NBAS: variants seen among roughly 807,000 people sequenced by gnomAD.
The protein encoded by NBAS is NBAS subunit of NRZ tethering complex.
Under a neutral mutation model 302.5 loss-of-function variants are expected in NBAS, and 219 were observed. The ratio of observed to expected loss-of-function variants is 0.72; its 90% CI spans 0.65 to 0.81. NBAS has a LOEUF of 0.81. Ranked by LOEUF, NBAS falls within the 30% of genes least tolerant of loss-of-function variation. The pLI is 0.00. For synonymous variants in NBAS, 1,118 were observed against 1,021.6 expected (o/e 1.09, Z -1.80); for missense variants, 2,932 against 2,841.6 (o/e 1.03, Z -0.72).
chr2:14,894,821 G>A, the NBAS span, among the ~76,000 whole-genome samples: 1 of 152,164 alleles, frequency 6.6e-6, no homozygotes, highest in Non-Finnish European at 1.5e-5. Flanking sequence ...CACTTTGGGA[G>A]GCTGAGGTGG....
At position 15,275,488 on chromosome 2, in the gene NBAS, G is replaced by A; in HGVS notation, c.5720C>T (p.Thr1907Ile). The A allele has an allele frequency of 6.2e-7, 1 of 1,613,896 alleles. No homozygotes were observed. Among genetic ancestry groups the A allele is most frequent in the Non-Finnish European group, 8.5e-7 (1 of 1,179,960 alleles). Residue 1907 changes from threonine (T) to isoleucine (I), a missense_variant, in exon 44 of 52, where the codon ACC becomes ATC. Physicochemically the swap from Thr to Ile is moderately conservative, Grantham distance 89. Transcript: ENST00000281513. ...DAVTFSPKAV[T>I]KLSVEARKEM... ...TTAAAATATCTTTTTGTTTACCTTG[G>A]TCACAGCTTTTGGAGAAAATGTAAC...
At chr2:15,093,221 G>T in the NBAS span, among the ~76,000 whole-genome samples, 1 of 152,140 alleles carries the variant, frequency 6.6e-6, no homozygotes, top group Non-Finnish European at 1.5e-5. Flanking sequence ...TTTGAGACAA[G>T]CCTGGCCAAC....
At chr2:15,401,331 T>A (rs547079772) in intron 26 of NBAS, among the ~76,000 whole-genome samples, 4 of 147,766 alleles carry the variant, frequency 2.7e-5, no homozygotes, top group African/African-American at 1.0e-4. Context: ...GAGCCCCCCC[T>A]CCCAAAATAA....
chr2:15,171,091 T>G (rs73194923), intron 51 of NBAS, among the ~76,000 whole-genome samples: 3,035 of 152,340 alleles, frequency 0.02, 95 homozygotes, highest in African/African-American at 0.069. Flanking sequence ...AGCTTGGTAC[T>G]CTCTGACCAT....
At chr2:15,327,434 C>G (rs562442883) in intron 38 of NBAS, among the ~76,000 whole-genome samples, 4 of 152,244 alleles carry the variant, frequency 2.6e-5, no homozygotes, top group African/African-American at 9.6e-5. Flanking sequence ...AGCATAAAAT[C>G]AGGAAATAAA....
intron 42 of NBAS, among the ~76,000 whole-genome samples, chr2:15,280,740 G>C (rs556847434): frequency 6.6e-6 from 1 of 152,306 alleles, no homozygotes; most frequent in African/African-American, 2.4e-5. Flanking sequence ...CTAAGAGCAT[G>C]AAGATCTATG....
chr2:14,838,857 T>A, the NBAS span, among the ~76,000 whole-genome samples: 1 of 152,010 alleles, frequency 6.6e-6, no homozygotes, highest in Admixed American at 6.6e-5. Context: ...AAAAAATTCA[T>A]TGAATTTGGC....
At chr2:14,887,398 T>TTAAAAAAAAAAAAAAAA in the NBAS span, among the ~76,000 whole-genome samples, 2 of 95,682 alleles carry the variant, frequency 2.1e-5, no homozygotes, top group African/African-American at 1.4e-4. Flanking sequence ...GTGAGACTCC[T>TTAAAAAAAAAAAAAAAA]CAAAAAAAAA....
At chr2:15,132,377 G>A in the NBAS span, among the ~76,000 whole-genome samples, 1 of 152,168 alleles carries the variant, frequency 6.6e-6, no homozygotes, top group Admixed American at 6.5e-5. Flanking sequence ...AAAAAGCCAT[G>A]GAGAAAGTAA....
intron 48 of NBAS, among the ~76,000 whole-genome samples, chr2:15,198,352 G>A (rs968039210): frequency 2.6e-5 from 4 of 152,126 alleles, no homozygotes; most frequent in Non-Finnish European, 2.9e-5. Context: ...AGAGACATAC[G>A]GTTTATAGTG....
downstream of NBAS, among the ~76,000 whole-genome samples, chr2:15,163,695 C>T (rs4668881): frequency 0.48 from 72,357 of 151,940 alleles, 18,599 homozygotes; most frequent in East Asian, 0.7. Flanking sequence ...CAAATCTGCA[C>T]ACACCTTCTG....
the NBAS span, among the ~76,000 whole-genome samples, chr2:15,033,594 ATTTGGGGATAGGGCC>A: frequency 7.2e-5 from 11 of 152,128 alleles, no homozygotes; most frequent in African/African-American, 2.7e-4. Context: ...ATGTGATGGT[ATTTGGGGATAGGGCC>A]TTTGGGAGAT....
chr2:15,348,880 T>C (rs1176187371), intron 35 of NBAS, among the ~76,000 whole-genome samples: 1 of 152,064 alleles, frequency 6.6e-6, no homozygotes, highest in Admixed American at 6.6e-5. Flanking sequence ...CGTCACACCG[T>C]AAAGTGCTAA....
At chr2:14,818,173 T>C in the NBAS span, among the ~76,000 whole-genome samples, 365 of 152,310 alleles carry the variant, frequency 2.4e-3, no homozygotes, top group African/African-American at 8.0e-3. Flanking sequence ...CATGGAACCA[T>C]GGTTTCTTTA....
the NBAS span, among the ~76,000 whole-genome samples, chr2:15,011,322 C>A: frequency 6.6e-6 from 1 of 152,026 alleles, no homozygotes; most frequent in East Asian, 1.9e-4. Context: ...TCACTATCCA[C>A]CCCTCAGTAT....
chr2:14,848,095 C>G, the NBAS span, among the ~76,000 whole-genome samples: 2 of 151,804 alleles, frequency 1.3e-5, no homozygotes, highest in Admixed American at 6.5e-5. Flanking sequence ...CGAATAGGAA[C>G]AGCTCCAGTC....
At chr2:15,052,240 C>A in the NBAS span, among the ~76,000 whole-genome samples, 1 of 152,196 alleles carries the variant, frequency 6.6e-6, no homozygotes, top group Non-Finnish European at 1.5e-5. Context: ...CCAACAGCAG[C>A]TCTCTTTTCA....
the NBAS span, among the ~76,000 whole-genome samples, chr2:14,827,891 G>T: frequency 2.0e-5 from 3 of 152,128 alleles, no homozygotes; most frequent in Admixed American, 2.0e-4. Context: ...CTGTGCCTGT[G>T]CTTGATACTG....
chr2:15,547,420 A>T (rs566364480), intron 6 of NBAS, among the ~76,000 whole-genome samples: 7 of 152,238 alleles, frequency 4.6e-5, no homozygotes, highest in Non-Finnish European at 8.8e-5. Context: ...TATTAAGGTC[A>T]TAAATTCACA....
Sources: gnomAD v4.1 joint callset for allele counts (sites outside exome capture counted in the v4.1 genomes callset) on GRCh38, gnomAD v4.1.1 for gene constraint, MANE v1.5 for transcripts, NCBI Gene and HGNC (gene_info 2026-07-23, HGNC 2026-07-21) for gene names.